The following CNTNAP2 variants were observed in gnomAD, a reference collection of about 807,000 sequenced individuals.
CNTNAP2 encodes contactin-associated protein-like 2.
A neutral mutation model predicts 155.2 loss-of-function variants in CNTNAP2; 98 were observed. The observed-to-expected ratio is 0.63, with a 90% CI of 0.54 to 0.75. The LOEUF is 0.75. Ranked by LOEUF, CNTNAP2 falls within the 30% of genes least tolerant of loss-of-function variation. The probability of loss-of-function intolerance (pLI) is 0.00; values close to 1 mark genes in which losing one functional copy is unlikely to be tolerated. For missense variants in CNTNAP2, 1,727 were observed against 1,688.1 expected (o/e 1.02, Z -0.40); for synonymous variants, 651 against 631.2 (o/e 1.03, Z -0.47).
At chr7:146,856,273 GATAGATAGATAGATAGATAGATAGATAC>G (rs1017093110) in intron 3 of CNTNAP2, among the ~76,000 whole-genome samples, 1 of 49,914 alleles carries the variant, frequency 2.0e-5, no homozygotes, top group African/African-American at 9.1e-5. Flanking sequence ...TAGATAGATA[GATAGATAGATAGATAGATAGATAGATAC>G]ATACATACAT....
chr7:147,007,418 A>G (rs992504842), intron 3 of CNTNAP2, among the ~76,000 whole-genome samples: 2 of 152,132 alleles, frequency 1.3e-5, no homozygotes, highest in African/African-American at 4.8e-5. Flanking sequence ...CTGTCTATCT[A>G]GCTACCTACT....
intron 13 of CNTNAP2, among the ~76,000 whole-genome samples, chr7:147,647,380 C>T (rs965030102): frequency 5.3e-5 from 8 of 151,704 alleles, no homozygotes; most frequent in African/African-American, 1.7e-4. Context: ...TAAGAGGACA[C>T]CCTTCTTTTA....
chr7:146,316,803 G>T (rs1287151844), intron 1 of CNTNAP2, among the ~76,000 whole-genome samples: 1 of 151,232 alleles, frequency 6.6e-6, no homozygotes, highest in Admixed American at 6.6e-5. Context: ...TCACTGTGTG[G>T]CTTCTCCAAG....
intron 13 of CNTNAP2, chr7:147,671,705 A>G (rs915743021): frequency 8.5e-5 from 13 of 152,188 alleles, no homozygotes; most frequent in African/African-American, 3.1e-4. Context: ...GGGGCTCCCA[A>G]GTACTCTAAC....
chr7:147,333,223 A>G lies in CNTNAP2; in HGVS notation c.1498+32933A>G, dbSNP rs563762029. 5.3e-5 allele frequency among the ~76,000 whole-genome samples: 8 copies of G among 152,278 alleles called. No homozygotes were observed. In the East Asian group the frequency reaches 9.7e-4, roughly 18 times the overall value. ...AAAGTTCCTGTTCCAGAGAAAACAG[A>G]AGGCATAGTGATGACTACAGAGAGA... On this transcript the variant is annotated intron_variant, in intron 9 of 23. Coordinates refer to ENST00000361727, the MANE Select transcript of CNTNAP2 (RefSeq NM_014141.6).
At chr7:147,744,443 G>A (rs1398500367) in intron 13 of CNTNAP2, among the ~76,000 whole-genome samples, 1 of 152,150 alleles carries the variant, frequency 6.6e-6, no homozygotes, top group Non-Finnish European at 1.5e-5. Flanking sequence ...ATATGCCAGT[G>A]GTTCATTTCT....
chr7:148,159,241 GT>G (rs1392012830), intron 17 of CNTNAP2, among the ~76,000 whole-genome samples: 1 of 151,882 alleles, frequency 6.6e-6, no homozygotes, highest in African/African-American at 2.4e-5. Flanking sequence ...ATTTTATTAC[GT>G]TTTTTCTTCA....
At chr7:147,797,246 T>G (rs1264935289) in intron 13 of CNTNAP2, among the ~76,000 whole-genome samples, 1 of 152,204 alleles carries the variant, frequency 6.6e-6, no homozygotes, top group Admixed American at 6.5e-5. Flanking sequence ...CTGTGCTTAT[T>G]CATGATACTG....
intron 13 of CNTNAP2, among the ~76,000 whole-genome samples, chr7:147,839,450 C>A (rs530099996): frequency 2.6e-5 from 4 of 152,130 alleles, no homozygotes; most frequent in African/African-American, 9.6e-5. Flanking sequence ...GGCTGGGTGG[C>A]GGTAAAGGAA....
At chr7:146,805,681 G>T (rs998431127) in intron 2 of CNTNAP2, among the ~76,000 whole-genome samples, 2 of 152,174 alleles carry the variant, frequency 1.3e-5, no homozygotes, top group African/African-American at 2.4e-5. Flanking sequence ...ATAAGGGAAG[G>T]TTCTGTGACT....
At chr7:147,863,643 C>T (rs149008354) in intron 13 of CNTNAP2, among the ~76,000 whole-genome samples, 4,969 of 152,222 alleles carry the variant, frequency 0.033, 137 homozygotes, top group Non-Finnish European at 0.052. Flanking sequence ...GAGATGGTAT[C>T]TCATTGTAGT....
intron 8 of CNTNAP2, among the ~76,000 whole-genome samples, chr7:147,194,543 A>C (rs1456944712): frequency 6.6e-6 from 1 of 152,172 alleles, no homozygotes; most frequent in Non-Finnish European, 1.5e-5. Flanking sequence ...TCCCACCAAC[A>C]GTGTAAAAGT....
intron 15 of CNTNAP2, among the ~76,000 whole-genome samples, chr7:147,986,633 C>T (rs73168536): frequency 6.6e-6 from 1 of 152,132 alleles, no homozygotes; most frequent in Admixed American, 6.5e-5. Flanking sequence ...TTTAATACAG[C>T]CTTCATCCTT....
chr7:146,661,829 A>G (rs1800095371), intron 1 of CNTNAP2, among the ~76,000 whole-genome samples: 1 of 151,682 alleles, frequency 6.6e-6, no homozygotes, highest in Non-Finnish European at 1.5e-5. Context: ...GTTGGAGTAA[A>G]TGGCTGGGTA....
intron 21 of CNTNAP2, among the ~76,000 whole-genome samples, chr7:148,285,463 C>T (rs1042709916): frequency 5.3e-5 from 8 of 152,212 alleles, no homozygotes; most frequent in African/African-American, 1.7e-4. Context: ...TCTTTTATCA[C>T]GGGTGCCAGA....
intron 21 of CNTNAP2, among the ~76,000 whole-genome samples, chr7:148,319,960 T>C (rs1289779592): frequency 6.6e-6 from 1 of 152,196 alleles, no homozygotes; most frequent in Non-Finnish European, 1.5e-5. Flanking sequence ...AGCTGTCTTC[T>C]GCAAGACTGG....
intron 10 of CNTNAP2, among the ~76,000 whole-genome samples, chr7:147,469,103 A>C (rs2116604142): frequency 6.6e-6 from 1 of 152,076 alleles, no homozygotes; most frequent in East Asian, 1.9e-4. Context: ...GGTTACAGGC[A>C]TGAGCTGCCG....
At chr7:147,624,453 T>G (rs1435701710) in intron 12 of CNTNAP2, among the ~76,000 whole-genome samples, 1 of 152,114 alleles carries the variant, frequency 6.6e-6, no homozygotes, top group East Asian at 1.9e-4. Flanking sequence ...GCCAAAGACT[T>G]AAATAGACAT....
At chr7:148,222,596 A>ATTC (rs1795771599) in intron 19 of CNTNAP2, among the ~76,000 whole-genome samples, 1 of 152,260 alleles carries the variant, frequency 6.6e-6, no homozygotes, top group Non-Finnish European at 1.5e-5. Context: ...TCATGAGGAC[A>ATTC]GAGTCCTCAT....
Sources: gnomAD v4.1 joint callset for allele counts (sites outside exome capture counted in the v4.1 genomes callset) on GRCh38, gnomAD v4.1.1 for gene constraint, MANE v1.5 for transcripts, NCBI Gene and HGNC (gene_info 2026-07-23, HGNC 2026-07-21) for gene names.